The following ZIM3 variants were observed in gnomAD, a reference collection of about 807,000 sequenced individuals.
ZIM3 encodes the protein zinc finger protein 657.
A neutral mutation model predicts 12.9 loss-of-function variants in ZIM3; 11 were observed. The ratio of observed to expected loss-of-function variants is 0.85; its 90% CI spans 0.54 to 1.41. ZIM3 has a LOEUF of 1.41. Among genes scored for constraint, ZIM3 ranks in the 40% most tolerant of loss-of-function variants. ZIM3 has a pLI of 0.00. For missense variants in ZIM3, 604 were observed against 557.2 expected (o/e 1.08, Z -0.85); for synonymous variants, 205 against 198.5 (o/e 1.03, Z -0.28).
chr19:57,142,066 C>T (rs966146059), intron 2 of ZIM3, among the ~76,000 whole-genome samples: 2 of 151,868 alleles, frequency 1.3e-5, no homozygotes, highest in African/African-American at 4.8e-5. Flanking sequence ...TGGCAATACC[C>T]ATTGTCTCAG....
At position 57,145,054 on chromosome 19, in the gene ZIM3, A is replaced by C. The variant is rs796505612; in HGVS notation, c.-238T>G. On this transcript the variant is annotated 5_prime_UTR_variant, in exon 1 of 5. Transcript: ENST00000269834. Reference sequence around the variant, plus strand: ...AAACAACCCAAAACACTCACTTCCTATCAAAAGCCCCACCTGATCCTATCA... The same window carrying C: ...AAACAACCCAAAACACTCACTTCCTCTCAAAAGCCCCACCTGATCCTATCA... 20 of 152,290 alleles carry C rather than the reference A, an allele frequency of 1.3e-4. No individual in the cohort carries two copies. Among genetic ancestry groups the C allele is most frequent in the African/African-American group, 4.8e-4 (20 of 41,568 alleles). 9.4% of individuals were successfully genotyped at this position (152,290 alleles called of 1,614,324 possible).
intron 3 of ZIM3, among the ~76,000 whole-genome samples, chr19:57,138,230 C>T (rs1203050217): frequency 6.6e-6 from 1 of 152,106 alleles, no homozygotes; most frequent in Non-Finnish European, 1.5e-5. Flanking sequence ...GGGCAGGGCA[C>T]CCAGCCCACA....
At chr19:57,141,173 T>A (rs2086911764) in intron 2 of ZIM3, among the ~76,000 whole-genome samples, 1 of 151,996 alleles carries the variant, frequency 6.6e-6, no homozygotes, top group Non-Finnish European at 1.5e-5. Flanking sequence ...GGCGGGTGGA[T>A]CACCTGAGGT....
intron 2 of ZIM3, among the ~76,000 whole-genome samples, chr19:57,141,907 C>T (rs929943893): frequency 1.3e-5 from 2 of 151,698 alleles, no homozygotes; most frequent in African/African-American, 4.8e-5. Context: ...CAACAGATGT[C>T]TCCTTGCCCC....
intron 2 of ZIM3, among the ~76,000 whole-genome samples, chr19:57,139,602 T>G (rs1030669154): frequency 2.0e-5 from 3 of 151,850 alleles, no homozygotes; most frequent in Admixed American, 2.0e-4. Flanking sequence ...GGTGCGCGCC[T>G]GTAATCCCAG....
Position 57,135,382 on chromosome 19 carries a change from T to C in ZIM3, c.955A>G (p.Lys319Glu), listed in dbSNP as rs1408074580. 1 of 1,613,958 alleles carries C rather than the reference T, an allele frequency of 6.2e-7. No homozygotes were observed. Among genetic ancestry groups the C allele is most frequent in the Non-Finnish European group, 8.5e-7 (1 of 1,179,856 alleles). ...CTCTGGTGTTTCACAAGATCTGACT[T>C]GTAAATGAAAGCCTTTCCACAGTCC... ...CTDCGKAFIY[K>E]SDLVKHQRIH... The change falls in exon 5 of 5, where the codon AAG (lysine) becomes GAG (glutamate). Residue 319 changes from lysine (K) to glutamate (E), a missense_variant. Transcript: ENST00000269834.
chr19:57,138,298 C>A (rs780451419), intron 3 of ZIM3, among the ~76,000 whole-genome samples, 174 bp downstream of exon 3: 5 of 152,172 alleles, frequency 3.3e-5, no homozygotes, highest in Admixed American at 1.3e-4. Context: ...AGAATGGGGG[C>A]TCCTTCAATA....
intron 1 of ZIM3, among the ~76,000 whole-genome samples, chr19:57,144,240 G>A (rs1223681026): frequency 6.6e-6 from 1 of 151,420 alleles, no homozygotes; most frequent in Admixed American, 6.6e-5. Flanking sequence ...TGTAAAGAAG[G>A]GATCTTGCTA....
chr19:57,135,784 G>A lies in ZIM3; in HGVS notation c.553C>T (p.His185Tyr). 6.2e-7 allele frequency: 1 copy of A among 1,614,074 alleles called. No individual in the cohort carries two copies. The highest frequency in any genetic ancestry group is 8.5e-7 in the Non-Finnish European group (1 of 1,180,010). Residue 185 changes from histidine to tyrosine, a missense_variant, in exon 5 of 5, where the codon CAC (histidine) becomes TAC (tyrosine). Physicochemically the swap from His to Tyr is moderately conservative, Grantham distance 83 (BLOSUM62 2). Coordinates refer to ENST00000269834, the MANE Select transcript of ZIM3 (RefSeq NM_052882.1). Reference sequence around the variant, plus strand: ...TTTTGACAGGCATGCCTCCTCAGGTGACTTTGAAGGCGTGACTTTGAACTG... The same window carrying A: ...TTTTGACAGGCATGCCTCCTCAGGTAACTTTGAAGGCGTGACTTTGAACTG... ...LFSSKSRLQSHLRRHACQKPF... is the reference protein window; with the variant it reads ...LFSSKSRLQSYLRRHACQKPF...
Position 57,138,485 on chromosome 19 carries a change from G to C in ZIM3, c.129C>G (p.Asn43Lys), listed in dbSNP as rs373754136. The change falls in exon 3 of 5, where the codon AAC becomes AAG. Residue 43 changes from asparagine (N) to lysine (K), a missense_variant. Asn to Lys is a moderately conservative substitution (Grantham distance 94). Coordinates refer to ENST00000269834, the MANE Select transcript of ZIM3 (RefSeq NM_052882.1). ...YRDVMLENYS[N>K]LVSVGQGETT... ...AGCCGTCCTTACCCACAGAGACAAG[G>C]TTGCTGTAATTCTCCAGCATCACAT... The C allele has an allele frequency of 6.2e-7, 1 of 1,614,158 alleles. No homozygotes were observed. Among genetic ancestry groups the C allele is most frequent in the Non-Finnish European group, 8.5e-7 (1 of 1,180,030 alleles).
intron 2 of ZIM3, among the ~76,000 whole-genome samples, chr19:57,140,707 A>G (rs891688065): frequency 3.9e-5 from 6 of 151,998 alleles, no homozygotes; most frequent in Non-Finnish European, 8.8e-5. Flanking sequence ...CCTGGCCTCA[A>G]GTGGTCTTCC....
At position 57,138,457 on chromosome 19, in the gene ZIM3, G is replaced by A; in HGVS notation, c.142+15C>T. The A allele has an allele frequency of 6.2e-7, 1 of 1,614,056 alleles. No homozygotes were observed. Among genetic ancestry groups the A allele is most frequent in the Non-Finnish European group, 8.5e-7 (1 of 1,179,996 alleles). On this transcript the variant is annotated intron_variant, in intron 3 of 4. Transcript: ENST00000269834. The stretch of plus-strand genomic sequence containing the variant: ...CTTAGGTTTTGAGTCCCCCTGCCCG[G>A]GAAGCCGTCCTTACCCACAGAGACA...
chr19:57,139,510 G>A lies in ZIM3; in HGVS notation c.16-912C>T, dbSNP rs186466449. Among the ~76,000 whole-genome samples, 441 of 151,996 alleles carry A rather than the reference G, an allele frequency of 2.9e-3. 8 individuals carry two copies. Among genetic ancestry groups the A allele is most frequent in the Admixed American group, 0.024 (362 of 15,244 alleles). ...GGAGGCTGAGACAGGTGGATCACCCGGGGTCAGGAGTTCGAGACCAGCCTC... is the reference window on the plus strand; with the variant it reads ...GGAGGCTGAGACAGGTGGATCACCCAGGGTCAGGAGTTCGAGACCAGCCTC... On this transcript the variant is annotated intron_variant, in intron 2 of 4. Transcript: ENST00000269834.
intron 3 of ZIM3, 139 bp from the exon 4 acceptor site, chr19:57,137,110 G>A: frequency 1.3e-6 from 1 of 786,070 alleles, no homozygotes. Flanking sequence ...GTCAGTGTGT[G>A]GGTATGTGCC....
At chr19:57,144,289 ATCC>A (rs148145532) in intron 1 of ZIM3, among the ~76,000 whole-genome samples, 2,790 of 152,086 alleles carry the variant, frequency 0.018, 82 homozygotes, top group African/African-American at 0.063. Flanking sequence ...GGCTCAAGCA[ATCC>A]TCCTCCCTCA....
chr19:57,136,314 G>C (rs573011940), intron 4 of ZIM3, among the ~76,000 whole-genome samples: 2 of 152,228 alleles, frequency 1.3e-5, no homozygotes, highest in African/African-American at 4.8e-5. Flanking sequence ...CGTAGACCTA[G>C]TGCACAGGGA....
chr19:57,144,365 A>G (rs182968175), intron 1 of ZIM3, among the ~76,000 whole-genome samples: 156 of 152,326 alleles, frequency 1.0e-3, no homozygotes, highest in African/African-American at 3.7e-3. Flanking sequence ...AAAGTTTTAA[A>G]TAAGTAAATA....
In ZIM3 at chr19:57,135,828, T is replaced by C; in HGVS notation, c.509A>G (p.Asn170Ser). The C allele has an allele frequency of 6.2e-7, 1 of 1,614,164 alleles. No individual in the cohort carries two copies. The highest frequency in any genetic ancestry group is 8.5e-7 in the Non-Finnish European group (1 of 1,180,020). Residue 170 changes from asparagine to serine, a missense_variant, in exon 5 of 5, where the codon AAT becomes AGT. By Grantham distance (46) the Asn-to-Ser change is conservative. Transcript: ENST00000269834. ...SKFVGQQLKC[N>S]ACRKLFSSKS... The stretch of plus-strand genomic sequence containing the variant: ...TGAACTGAATAACTTTCTACAGGCA[T>C]TACATTTCAGTTGTTGTCCTACAAA...
chr19:57,144,167 T>C (rs905402810), intron 1 of ZIM3, among the ~76,000 whole-genome samples: 2 of 152,288 alleles, frequency 1.3e-5, no homozygotes, highest in South Asian at 2.1e-4. Flanking sequence ...TCCTCCTACC[T>C]TGGCCTCCTG....
Sources: gnomAD v4.1 joint callset for allele counts (sites outside exome capture counted in the v4.1 genomes callset) on GRCh38, gnomAD v4.1.1 for gene constraint, MANE v1.5 for transcripts, NCBI Gene and HGNC (gene_info 2026-07-23, HGNC 2026-07-21) for gene names.